TCP1: variants seen among roughly 807,000 people sequenced by gnomAD.
TCP1 encodes T-complex protein 1 subunit alpha.
In TCP1, 6 loss-of-function variants were observed where a neutral mutation model predicts 54.7. The ratio of observed to expected loss-of-function variants is 0.11; its 90% CI spans 0.06 to 0.22. The LOEUF is 0.22. Ranked by LOEUF, TCP1 falls within the 10% of genes least tolerant of loss-of-function variation. TCP1 has a pLI of 1.00. For synonymous variants in TCP1, 225 were observed against 229.7 expected (o/e 0.98, Z 0.19); for missense variants, 511 against 678.2 (o/e 0.75, Z 2.74).
At chr6:159,786,899 T>A (rs1285442402) in intron 3 of TCP1, among the ~76,000 whole-genome samples, 1 of 152,146 alleles carries the variant, frequency 6.6e-6, no homozygotes, top group Non-Finnish European at 1.5e-5. Context: ...ATGATGTATT[T>A]ATTAATTTCT....
chr6:159,779,680 T>C lies in TCP1; in HGVS notation c.1401A>G (p.Leu467=). 1 of 1,612,934 alleles carries C rather than the reference T, an allele frequency of 6.2e-7. No individual in the cohort carries two copies. Among genetic ancestry groups the C allele is most frequent in the Non-Finnish European group, 8.5e-7 (1 of 1,179,752 alleles). The change falls in exon 11 of 12, where the codon TTA becomes TTG. Residue 467 remains leucine (L), a synonymous_variant. Transcript: ENST00000321394. ...CCTGGGCCTCATTATGAAAAGCTCTTAATTTTGCAACCAGATCTGTGGAGT... is the reference window on the plus strand; with the variant it reads ...CCTGGGCCTCATTATGAAAAGCTCTCAATTTTGCAACCAGATCTGTGGAGT... ...AQDSTDLVAK[L]RAFHNEAQVN...
chr6:159,782,370 C>A, intron 7 of TCP1, among the ~76,000 whole-genome samples: 1 of 151,920 alleles, frequency 6.6e-6, no homozygotes. Flanking sequence ...TGTAATAAGC[C>A]CCAGGAAGAA....
At chr6:159,788,458 G>A in intron 1 of TCP1, 1 of 298,684 alleles carries the variant, frequency 3.3e-6, no homozygotes, top group South Asian at 3.3e-5. Context: ...CGGCGGCGCG[G>A]ACCTGTGCTT....
intron 3 of TCP1, among the ~76,000 whole-genome samples, chr6:159,786,490 G>A (rs904993857): frequency 1.1e-4 from 16 of 152,288 alleles, no homozygotes; most frequent in African/African-American, 3.8e-4. Context: ...TAGAAAAAAT[G>A]CTCAACAGAA....
Position 159,789,459 on chromosome 6 carries a change from G to T in TCP1, c.10C>A (p.Pro4Thr), listed in dbSNP as rs1312177601. 6.2e-7 allele frequency: 1 copy of T among 1,613,926 alleles called. No homozygotes were observed. Among genetic ancestry groups the T allele is most frequent in the Non-Finnish European group, 8.5e-7 (1 of 1,179,856 alleles). Residue 4 changes from proline (P) to threonine (T), a missense_variant, in exon 1 of 12, where the codon CCT becomes ACT. By Grantham distance (38) the Pro-to-Thr change is conservative. Transcript: ENST00000321394. The stretch of plus-strand genomic sequence containing the variant: ...CTGCGGTCACCGAACACGGACAAAG[G>T]CCCCTCCATCTTGACGGCAGCGATA... Reference protein sequence around the residue: MEGPLSVFGDRSTG... With the variant: MEGTLSVFGDRSTG...
In TCP1 at chr6:159,779,115, T is replaced by C. The variant is rs1175326223; in HGVS notation, c.1601A>G (p.His534Arg). 6.2e-7 allele frequency: 1 copy of C among 1,614,086 alleles called. No individual in the cohort carries two copies. Among genetic ancestry groups the C allele is most frequent in the Non-Finnish European group, 8.5e-7 (1 of 1,179,958 alleles). Reference protein sequence around the residue: ...ILRIDDLIKLHPESKDDKHGS... With the variant: ...ILRIDDLIKLRPESKDDKHGS... ...ATGTTTATCATCTTTACTTTCTGGA[T>C]GTAATTTAATAAGATCATCAATTCG... Residue 534 changes from histidine to arginine, a missense_variant, in exon 12 of 12, where the codon CAT becomes CGT. This residue lies in a region of TCP1 where 29 missense variants were observed against 27.7 expected (regional missense o/e 1.05). Coordinates refer to ENST00000321394, the MANE Select transcript of TCP1 (RefSeq NM_030752.3).
chr6:159,787,907 T>C (rs1021013865), intron 2 of TCP1, 36 bp from the exon 3 acceptor site: 9 of 1,612,352 alleles, frequency 5.6e-6, no homozygotes, highest in African/African-American at 2.7e-5. Flanking sequence ...GAACCACTTA[T>C]AGAAATCAAC....
chr6:159,782,118 A>G (rs551618523), intron 7 of TCP1, among the ~76,000 whole-genome samples: 1 of 152,340 alleles, frequency 6.6e-6, no homozygotes, highest in African/African-American at 2.4e-5. Context: ...GTTGAGGACA[A>G]GATTAAGTTT....
At position 159,787,854 on chromosome 6, in the gene TCP1, G is replaced by A. The variant is rs760171351; in HGVS notation, c.168C>T (p.Asn56=). ...GTAACTTCAGGATGGTTGCACCATC[G>A]TTAGTAATGGTTACATCCTAAGAAA... The part of the protein sequence containing the change: ...VDDIGDVTIT[N]DGATILKLLE... The change falls in exon 3 of 12, where the codon AAC becomes AAT. Residue 56 remains asparagine (N), a synonymous_variant. Transcript: ENST00000321394. The A allele has an allele frequency of 2.5e-6, 4 of 1,614,104 alleles. No individual in the cohort carries two copies. The highest frequency in any genetic ancestry group is 2.5e-6 in the Non-Finnish European group (3 of 1,179,998).
At chr6:159,784,239 T>C (rs560216705) in intron 6 of TCP1, among the ~76,000 whole-genome samples, 172 bp from the exon 7 acceptor site, 2 of 152,228 alleles carry the variant, frequency 1.3e-5, no homozygotes, top group Non-Finnish European at 1.5e-5. Flanking sequence ...ACATTCCTTC[T>C]ACCATGTTGT....
intron 3 of TCP1, among the ~76,000 whole-genome samples, chr6:159,786,836 A>T (rs547002831): frequency 3.1e-4 from 47 of 152,350 alleles, no homozygotes; most frequent in African/African-American, 1.0e-3. Flanking sequence ...ATCTATGAAG[A>T]GTTTATACTG....
intron 8 of TCP1, 31 bp downstream of exon 8, chr6:159,780,904 T>C: frequency 6.4e-7 from 1 of 1,559,748 alleles, no homozygotes. Flanking sequence ...ATAATAAAAG[T>C]ATTTTATGTG....
rs752431453 is a variant in TCP1 at position 159,780,942 on chromosome 6, A to C, written c.966T>G (p.Ala322=). Residue 322 remains alanine (A), a synonymous_variant, in exon 8 of 12, where the codon GCT becomes GCG. Transcript: ENST00000321394. The part of the protein sequence containing the change: ...LKRDLKRIAK[A]SGATILSTLA... ...AGCCAGCACAAGACATACCTCCAGA[A>C]GCTTTGGCAATGCGTTTAAGGTCCC... 29 of 1,603,160 alleles carry C rather than the reference A, an allele frequency of 1.8e-5. No individual in the cohort carries two copies. Among genetic ancestry groups the C allele is most frequent in the Admixed American group, 3.5e-5 (2 of 56,952 alleles).
Position 159,785,259 on chromosome 6 carries a change from C to T in TCP1, c.488+127G>A, listed in dbSNP as rs1780667008. On this transcript the variant is annotated intron_variant, in intron 5 of 11. Coordinates refer to ENST00000321394, the MANE Select transcript of TCP1 (RefSeq NM_030752.3). The stretch of plus-strand genomic sequence containing the variant: ...TGTTGCCCACATTGGACTGGCACTC[C>T]TGGGTTCAATTAATACTCCTACCTC... 14 of 738,300 alleles carry T rather than the reference C, an allele frequency of 1.9e-5. No homozygotes were observed. The Middle Eastern group carries it at 1.6e-3, about 82-fold the overall frequency. The allele number at this position is 738,300 out of a possible 1,614,324, so 45.7% of individuals were successfully genotyped here.
At chr6:159,787,973 C>G in intron 2 of TCP1, 85 bp downstream of exon 2, 2 of 1,604,798 alleles carry the variant, frequency 1.2e-6, no homozygotes, top group Non-Finnish European at 1.7e-6. Flanking sequence ...TACGTGGATT[C>G]TGATAAAGTC....
intron 10 of TCP1, 50 bp downstream of exon 10, chr6:159,779,845 T>A: frequency 6.3e-7 from 1 of 1,591,696 alleles, no homozygotes; most frequent in Non-Finnish European, 8.5e-7. Context: ...AAAATTGAAG[T>A]CCACAGCTAC....
At chr6:159,781,339 C>G (rs1270738748) in intron 7 of TCP1, among the ~76,000 whole-genome samples, 2 of 152,170 alleles carry the variant, frequency 1.3e-5, no homozygotes, top group African/African-American at 4.8e-5. Context: ...TATGGTTAAA[C>G]AGGGAACACA....
In TCP1 at chr6:159,778,735, TAC is replaced by T; in HGVS notation, c.*308_*309del. On this transcript the variant is annotated 3_prime_UTR_variant, in exon 12 of 12. Transcript: ENST00000321394. ...GGCTGTCGAATTCTTGTGACCCTGT[TAC>T]ACACACTGGAGAGAATGGGCAGAAG... is the stretch of plus-strand genomic sequence containing the variant. The T allele has an allele frequency of 6.2e-7, 1 of 1,614,254 alleles. No homozygotes were observed. Among genetic ancestry groups the T allele is most frequent in the Non-Finnish European group, 8.5e-7 (1 of 1,180,044 alleles).
At chr6:159,786,839 T>G (rs1378851999) in intron 3 of TCP1, among the ~76,000 whole-genome samples, 2 of 152,204 alleles carry the variant, frequency 1.3e-5, no homozygotes, top group Non-Finnish European at 2.9e-5. Flanking sequence ...TATGAAGAGT[T>G]TATACTGTGT....
Sources: gnomAD v4.1 joint callset for allele counts (sites outside exome capture counted in the v4.1 genomes callset) on GRCh38, gnomAD v4.1.1 for gene constraint, gnomAD v4.1.1 regional missense constraint, MANE v1.5 for transcripts, NCBI Gene and HGNC (gene_info 2026-07-23, HGNC 2026-07-21) for gene names.